PPARD: variants seen among roughly 807,000 people sequenced by gnomAD.
PPARD encodes the protein peroxisome proliferator-activated receptor delta.
In PPARD, 6 loss-of-function variants were observed where a neutral mutation model predicts 39.5. The ratio of observed to expected loss-of-function variants is 0.15; its 90% CI spans 0.08 to 0.30. The LOEUF (loss-of-function observed/expected upper bound fraction) is 0.30, where lower values mean the gene tolerates loss of function less well. Among genes scored for constraint, PPARD ranks in the 10% least tolerant of loss-of-function variants. The pLI is 1.00. For missense variants in PPARD, 397 were observed against 596.8 expected (o/e 0.67, Z 3.49); for synonymous variants, 210 against 231.3 (o/e 0.91, Z 0.83).
intron 2 of PPARD, among the ~76,000 whole-genome samples, chr6:35,404,840 A>T (rs1764926600): frequency 6.6e-6 from 1 of 152,080 alleles, no homozygotes; most frequent in Admixed American, 6.5e-5. Context: ...TGGGCAATGG[A>T]TGGAGTCATG....
At chr6:35,351,276 C>T (rs975076238) in intron 2 of PPARD, among the ~76,000 whole-genome samples, 14 of 152,080 alleles carry the variant, frequency 9.2e-5, no homozygotes, top group African/African-American at 2.2e-4. Context: ...TCACCCGCGT[C>T]GGCCTCCCAA....
intron 2 of PPARD, among the ~76,000 whole-genome samples, chr6:35,402,454 C>G (rs1581634361): frequency 1.3e-5 from 2 of 152,294 alleles, no homozygotes; most frequent in Middle Eastern, 6.8e-3. Context: ...CCCAAGGCCC[C>G]CTTCTGTGGC....
intron 2 of PPARD, among the ~76,000 whole-genome samples, chr6:35,380,472 GTTTGTTT>G (rs1763083017): frequency 2.6e-4 from 8 of 31,332 alleles, no homozygotes; most frequent in Non-Finnish European, 6.5e-4. Flanking sequence ...TTTTTTTTTT[GTTTGTTT>G]TTTTTTTTTT....
chr6:35,372,303 G>A (rs1350184917), intron 2 of PPARD, among the ~76,000 whole-genome samples: 1 of 152,150 alleles, frequency 6.6e-6, no homozygotes, highest in East Asian at 1.9e-4. Flanking sequence ...TCAGCCTCCC[G>A]AGTAGCTGGG....
intron 3 of PPARD, among the ~76,000 whole-genome samples, chr6:35,417,245 C>T (rs531529003): frequency 6.6e-6 from 1 of 152,118 alleles, no homozygotes; most frequent in South Asian, 2.1e-4. Flanking sequence ...CTCAAGTGAT[C>T]CTCCCGCCTC....
intron 3 of PPARD, among the ~76,000 whole-genome samples, 172 bp downstream of exon 3, chr6:35,411,389 T>C (rs1262916261): frequency 6.6e-6 from 1 of 152,202 alleles, no homozygotes; most frequent in Non-Finnish European, 1.5e-5. Context: ...GCTCTGCCAC[T>C]CACCAGCAGT....
intron 2 of PPARD, among the ~76,000 whole-genome samples, chr6:35,356,181 A>G (rs1280261429): frequency 6.6e-6 from 1 of 152,048 alleles, no homozygotes; most frequent in Admixed American, 6.6e-5. Flanking sequence ...ATGATACTAA[A>G]AGGTATCTAA....
At chr6:35,364,574 C>T (rs541649576) in intron 2 of PPARD, among the ~76,000 whole-genome samples, 2 of 152,002 alleles carry the variant, frequency 1.3e-5, no homozygotes, top group East Asian at 1.9e-4. Context: ...GCTGGGATTA[C>T]AGGTGCATGC....
At chr6:35,418,575 A>G (rs1432310274) in intron 3 of PPARD, among the ~76,000 whole-genome samples, 4 of 152,236 alleles carry the variant, frequency 2.6e-5, no homozygotes, top group African/African-American at 9.6e-5. Context: ...GAACACACAC[A>G]GGATATGTCA....
At chr6:35,403,996 A>C (rs1015617175) in intron 2 of PPARD, among the ~76,000 whole-genome samples, 8 of 152,182 alleles carry the variant, frequency 5.3e-5, no homozygotes, top group Non-Finnish European at 1.5e-5. Context: ...TTCTGGCAGT[A>C]ATGTCCAGAA....
intron 2 of PPARD, among the ~76,000 whole-genome samples, chr6:35,394,097 C>A (rs528365875): frequency 2.0e-5 from 3 of 152,336 alleles, no homozygotes; most frequent in South Asian, 4.1e-4. Context: ...GTATTTATCT[C>A]CCCACCAGTC....
At chr6:35,386,132 G>A (rs1387254639) in intron 2 of PPARD, among the ~76,000 whole-genome samples, 2 of 152,068 alleles carry the variant, frequency 1.3e-5, no homozygotes, top group Admixed American at 6.5e-5. Flanking sequence ...CTTAGATGGC[G>A]GGGCGAGAGG....
intron 2 of PPARD, among the ~76,000 whole-genome samples, chr6:35,403,635 G>A (rs1156232339): frequency 6.6e-6 from 1 of 152,148 alleles, no homozygotes; most frequent in African/African-American, 2.4e-5. Flanking sequence ...AAGATACAGG[G>A]CATTCTCTGG....
chr6:35,420,300 G>A lies in PPARD; in HGVS notation c.285+19G>A, dbSNP rs201064354. ...GTGCAAGGTACGGACTGGGGGGAGC[G>A]GTGGCTGGCCACTGAGGCTGTGGTC... On this transcript the variant is annotated intron_variant, in intron 4 of 7. Coordinates refer to ENST00000360694, the MANE Select transcript of PPARD (RefSeq NM_006238.5). 3.7e-5 allele frequency: 57 copies of A among 1,523,970 alleles called. No homozygotes were observed. Among genetic ancestry groups the A allele is most frequent in the African/African-American group, 3.5e-4 (25 of 71,256 alleles). 94.4% of individuals were successfully genotyped at this position (1,523,970 alleles called of 1,614,324 possible).
chr6:35,400,982 C>T (rs1479341391), intron 2 of PPARD, among the ~76,000 whole-genome samples: 2 of 152,078 alleles, frequency 1.3e-5, no homozygotes, highest in Non-Finnish European at 2.9e-5. Context: ...CGATTGGCCT[C>T]ATGCCAAGCA....
At chr6:35,408,358 C>T (rs941380082) in intron 2 of PPARD, among the ~76,000 whole-genome samples, 2 of 152,140 alleles carry the variant, frequency 1.3e-5, no homozygotes, top group African/African-American at 4.8e-5. Flanking sequence ...ATTGCTGATC[C>T]AGAGAAGACT....
chr6:35,373,125 C>T (rs1762592642), intron 2 of PPARD, among the ~76,000 whole-genome samples: 1 of 152,092 alleles, frequency 6.6e-6, no homozygotes, highest in South Asian at 2.1e-4. Context: ...CCCTGGAGCC[C>T]TTTTATAAGA....
Position 35,428,146 on chromosome 6 carries a change from G to T in PPARD, c.*2067G>T, listed in dbSNP as rs200760912. Reference sequence around the variant, plus strand: ...ATATAAATAGTGTACACAGACTGACGAAACTTTAAATAAATGGGAATTAAA... The same window carrying T: ...ATATAAATAGTGTACACAGACTGACTAAACTTTAAATAAATGGGAATTAAA... On this transcript the variant is annotated 3_prime_UTR_variant, in exon 8 of 8. Coordinates refer to ENST00000360694, the MANE Select transcript of PPARD (RefSeq NM_006238.5). 6 of 152,622 alleles carry T rather than the reference G, an allele frequency of 3.9e-5. No individual in the cohort carries two copies. Among genetic ancestry groups the T allele is most frequent in the Non-Finnish European group, 7.3e-5 (5 of 68,044 alleles). The allele number at this position is 152,622 out of a possible 1,614,324, so 9.5% of individuals were successfully genotyped here.
At chr6:35,350,612 CTTTTTTTT>C (rs959545502) in intron 2 of PPARD, among the ~76,000 whole-genome samples, 3 of 104,592 alleles carry the variant, frequency 2.9e-5, no homozygotes, top group African/African-American at 4.2e-5. Flanking sequence ...GTCTATGTGT[CTTTTTTTT>C]TTTTTTTTTT....
Sources: allele counts gnomAD v4.1 joint callset (sites outside exome capture counted in the v4.1 genomes callset), GRCh38; gene constraint gnomAD v4.1.1; transcripts MANE v1.5; gene names NCBI Gene and HGNC (gene_info 2026-07-23, HGNC 2026-07-21).